Variants in CDK8 observed in about 807,000 individuals in gnomAD.
CDK8 encodes cyclin-dependent kinase 8.
Under a neutral mutation model 71.5 loss-of-function variants are expected in CDK8, and 29 were observed. That is an observed-to-expected ratio of 0.41 (90% CI 0.30 to 0.55). CDK8 has a LOEUF of 0.55. CDK8 is among the 20% of genes least tolerant of loss of function. CDK8 has a pLI of 0.37. For missense variants in CDK8, 288 were observed against 572.6 expected (o/e 0.50, Z 5.07); for synonymous variants, 161 against 192.1 (o/e 0.84, Z 1.34).
chr13:26,369,987 G>T (rs890274155), intron 4 of CDK8, among the ~76,000 whole-genome samples: 2 of 152,046 alleles, frequency 1.3e-5, no homozygotes, highest in African/African-American at 2.4e-5. Context: ...CCTAGAAAAG[G>T]TCAATAAGTA....
In CDK8 at chr13:26,401,590, C is replaced by T. The variant is rs756128891; in HGVS notation, c.1235C>T (p.Thr412Ile). 3.1e-6 allele frequency: 5 copies of T among 1,614,164 alleles called. No homozygotes were observed. The highest frequency in any genetic ancestry group is 4.2e-6 in the Non-Finnish European group (5 of 1,180,014). Residue 412 changes from threonine to isoleucine, a missense_variant, in exon 12 of 13, where the codon ACC becomes ATC. Thr to Ile is a moderately conservative substitution (Grantham distance 89). This residue lies in a region of CDK8 where 76 missense variants were observed against 99.7 expected (regional missense o/e 0.76). Coordinates refer to ENST00000381527, the MANE Select transcript of CDK8 (RefSeq NM_001260.3). This position sits in a 1 kb window ranked among gnomAD's most constrained non-coding sequence, Gnocchi z 4.5. ...GTGAGAGTTGTTCCTCCTACCACTA[C>T]CTCAGGTGGACTTATCATGACCTCA... Reference protein sequence around the residue: ...KKVRVVPPTTTSGGLIMTSDY... With the variant: ...KKVRVVPPTTISGGLIMTSDY...
At position 26,334,702 on chromosome 13, in the gene CDK8, T is replaced by G. The variant is rs889177297; in HGVS notation, c.129-2865T>G. On this transcript the variant is annotated intron_variant, in intron 1 of 12. Transcript: ENST00000381527. ...AAGCAATGTTACGTTTTAGTAATAA[T>G]TTAAAATAATAAAGTATTAAATTGA... 3.0e-4 allele frequency among the ~76,000 whole-genome samples: 45 copies of G among 152,236 alleles called. 1 individual carries two copies. The highest frequency in any genetic ancestry group is 1.2e-4 in the Non-Finnish European group (8 of 68,042).
intron 1 of CDK8, among the ~76,000 whole-genome samples, chr13:26,280,425 G>A (rs1375621802): frequency 1.3e-5 from 2 of 152,194 alleles, no homozygotes; most frequent in Non-Finnish European, 2.9e-5. Flanking sequence ...CAACCGGAGA[G>A]GTCCCAGGGC....
At position 26,254,740 on chromosome 13, in the gene CDK8, T is replaced by G. The variant is rs149166336; in HGVS notation, c.99T>G (p.Gly33=). ...EGCKVGRGTY[G]HVYKAKRKDG... ...GCAAAGTTGGCCGAGGCACTTATGG[T>G]CACGTCTACAAAGCCAAGAGGAAAG... Residue 33 remains glycine (G), a synonymous_variant, in exon 1 of 13, where the codon GGT becomes GGG. Transcript: ENST00000381527. The surrounding 1 kb of genome is among the most constrained non-coding windows in gnomAD (Gnocchi z 6.7). The G allele has an allele frequency of 5.1e-5, 83 of 1,612,562 alleles. No homozygotes were observed. The highest frequency in any genetic ancestry group is 6.8e-5 in the Non-Finnish European group (80 of 1,179,362).
At chr13:26,375,033 A>G (rs561687124) in intron 4 of CDK8, among the ~76,000 whole-genome samples, 3 of 152,266 alleles carry the variant, frequency 2.0e-5, no homozygotes, top group East Asian at 3.9e-4. Context: ...TGGTAAATTC[A>G]TATCAGAAAA....
At chr13:26,384,140 G>C (rs1875359979) in intron 5 of CDK8, among the ~76,000 whole-genome samples, 1 of 152,158 alleles carries the variant, frequency 6.6e-6, no homozygotes, top group South Asian at 2.1e-4. Context: ...TGGCAGGTTT[G>C]GGGAACGCTA....
intron 1 of CDK8, among the ~76,000 whole-genome samples, chr13:26,267,019 T>C (rs1177168750): frequency 6.6e-6 from 1 of 152,244 alleles, no homozygotes; most frequent in Non-Finnish European, 1.5e-5. Context: ...TGAATATATG[T>C]ATACATTAAT....
chr13:26,339,241 T>C (rs920813777), intron 2 of CDK8, among the ~76,000 whole-genome samples: 8 of 152,114 alleles, frequency 5.3e-5, no homozygotes, highest in Admixed American at 3.9e-4. Context: ...CTAAATGCTT[T>C]ATAATTTTTT....
In CDK8 at chr13:26,334,745, T is replaced by A. The variant is rs553252808; in HGVS notation, c.129-2822T>A. ...TAAATTGACTTAAATTAATTGATTT[T>A]ATAAAGGCTTATTAATTTGTTCACT... On this transcript the variant is annotated intron_variant, in intron 1 of 12. Coordinates refer to ENST00000381527, the MANE Select transcript of CDK8 (RefSeq NM_001260.3). 1.0e-3 allele frequency among the ~76,000 whole-genome samples: 152 copies of A among 152,360 alleles called. 1 individual carries two copies. The highest frequency in any genetic ancestry group is 3.5e-3 in the African/African-American group (144 of 41,594).
At position 26,401,697 on chromosome 13, in the gene CDK8, A is replaced by G. The variant is rs1876268423; in HGVS notation, c.1269+73A>G. 2 of 1,473,528 alleles carry G rather than the reference A, an allele frequency of 1.4e-6. No individual in the cohort carries two copies. The highest frequency in any genetic ancestry group is 1.9e-6 in the Non-Finnish European group (2 of 1,057,786). The allele number at this position is 1,473,528 out of a possible 1,614,324, so 91.3% of individuals were successfully genotyped here. A position where few individuals can be genotyped will look rare whatever the true frequency, so the allele number is the denominator to read the frequency against. On this transcript the variant is annotated intron_variant, in intron 12 of 12. Transcript: ENST00000381527. This position sits in a 1 kb window ranked among gnomAD's most constrained non-coding sequence, Gnocchi z 4.5. ...GGGTTTATGATCGTGGGAAAATGTG[A>G]TTTAATTGAGAAATACTGACGTCTG... is the stretch of plus-strand genomic sequence containing the variant.
chr13:26,385,500 G>A (rs994361416), intron 6 of CDK8, among the ~76,000 whole-genome samples, 158 bp downstream of exon 6: 3 of 152,104 alleles, frequency 2.0e-5, no homozygotes, highest in Admixed American at 6.5e-5. Context: ...TTTGGGAGGC[G>A]GAGGCAGCTG....
intron 4 of CDK8, chr13:26,359,761 G>C (rs1224512965): frequency 2.4e-6 from 1 of 422,176 alleles, no homozygotes; most frequent in African/African-American, 2.1e-5. Context: ...TGTTGCCCAG[G>C]CTTGAGTGCA....
intron 1 of CDK8, among the ~76,000 whole-genome samples, chr13:26,286,608 G>A (rs1873032571): frequency 6.6e-6 from 1 of 152,118 alleles, no homozygotes; most frequent in South Asian, 2.1e-4. Flanking sequence ...CTCAGATAAG[G>A]ACTTCATGAC....
At chr13:26,331,815 A>G (rs762306255) in intron 1 of CDK8, among the ~76,000 whole-genome samples, 2 of 152,066 alleles carry the variant, frequency 1.3e-5, no homozygotes, top group Non-Finnish European at 2.9e-5. Flanking sequence ...GTTCCATACA[A>G]ATTTTAGGAT....
At chr13:26,351,591 C>T (rs1565982358) in intron 3 of CDK8, among the ~76,000 whole-genome samples, 1 of 152,078 alleles carries the variant, frequency 6.6e-6, no homozygotes, top group Non-Finnish European at 1.5e-5. Context: ...TTTCTAGCTG[C>T]TAGTTTGTAA....
At chr13:26,327,330 T>G (rs1401491293) in intron 1 of CDK8, among the ~76,000 whole-genome samples, 2 of 152,212 alleles carry the variant, frequency 1.3e-5, no homozygotes, top group African/African-American at 4.8e-5. Flanking sequence ...CTATTATCCT[T>G]CCTTTTTTAA....
chr13:26,375,458 T>C (rs1454454041), intron 4 of CDK8, among the ~76,000 whole-genome samples: 1 of 152,210 alleles, frequency 6.6e-6, no homozygotes, highest in Non-Finnish European at 1.5e-5. Flanking sequence ...CCCTTTTATA[T>C]TGCAAATGGA....
At position 26,312,175 on chromosome 13, in the gene CDK8, C is replaced by T. The variant is rs184952657; in HGVS notation, c.129-25392C>T. Among the ~76,000 whole-genome samples the T allele has an allele frequency of 1.6e-3, 240 of 152,114 alleles. 1 individual carries two copies. The highest frequency in any genetic ancestry group is 3.4e-3 in the Middle Eastern group (1 of 294). ...CACTCTGTGAAAACGCAACAATCAG[C>T]GCTCTGTGTCTAGCTAAAGGATTGT... On this transcript the variant is annotated intron_variant, in intron 1 of 12. Transcript: ENST00000381527.
chr13:26,346,333 G>A (rs1873461373), intron 2 of CDK8, among the ~76,000 whole-genome samples: 2 of 152,188 alleles, frequency 1.3e-5, no homozygotes, highest in Admixed American at 1.3e-4. Context: ...CAGGAGTGAA[G>A]TGAAACCTTT....
Sources: allele counts gnomAD v4.1 joint callset (sites outside exome capture counted in the v4.1 genomes callset), GRCh38; gene constraint gnomAD v4.1.1; regional missense constraint gnomAD v4.1.1; non-coding constraint Gnocchi (gnomAD v3.1); transcripts MANE v1.5; gene names NCBI Gene and HGNC (gene_info 2026-07-23, HGNC 2026-07-21).